Variants in ACTR3C observed in about 807,000 individuals in gnomAD.
ACTR3C encodes actin-related protein 3C.
In ACTR3C, 18 loss-of-function variants were observed where a neutral mutation model predicts 26.3. The observed-to-expected ratio is 0.68, with a 90% CI of 0.47 to 1.01. ACTR3C has a LOEUF of 1.01. Among genes scored for constraint, ACTR3C ranks in the 50% least tolerant of loss-of-function variants. ACTR3C has a pLI of 0.00. For synonymous variants in ACTR3C, 55 were observed against 94.5 expected (o/e 0.58, Z 2.42); for missense variants, 184 against 250.7 (o/e 0.73, Z 1.80).
the ACTR3C span, among the ~76,000 whole-genome samples, chr7:150,154,451 G>T: frequency 6.6e-6 from 1 of 151,700 alleles, no homozygotes; most frequent in African/African-American, 2.4e-5. Flanking sequence ...TGTTGGTCTA[G>T]ATGGAGATCA....
the ACTR3C span, among the ~76,000 whole-genome samples, chr7:150,017,139 A>T: frequency 0.017 from 2,586 of 152,032 alleles, 114 homozygotes; most frequent in African/African-American, 0.06. Flanking sequence ...GGGTCAGAGT[A>T]TTCACAGCCC....
At chr7:150,103,352 C>A in the ACTR3C span, among the ~76,000 whole-genome samples, 5 of 151,978 alleles carry the variant, frequency 3.3e-5, no homozygotes, top group Non-Finnish European at 7.4e-5. Flanking sequence ...ACAAGGTTCC[C>A]AGCTTGACCT....
chr7:150,039,365 C>T, the ACTR3C span, among the ~76,000 whole-genome samples: 108 of 100,328 alleles, frequency 1.1e-3, no homozygotes, highest in Middle Eastern at 0.012. Flanking sequence ...TTGCCTCCCC[C>T]TCCTGCGATG....
chr7:150,221,151 G>T, the ACTR3C span, among the ~76,000 whole-genome samples: 1 of 152,268 alleles, frequency 6.6e-6, no homozygotes, highest in Non-Finnish European at 1.5e-5. Context: ...GCGCGCGGAG[G>T]CCCGGTCGGT....
chr7:149,921,175 A>G, the ACTR3C span, among the ~76,000 whole-genome samples: 1 of 152,162 alleles, frequency 6.6e-6, no homozygotes, highest in Non-Finnish European at 1.5e-5. Flanking sequence ...TATTCCAGGA[A>G]AACTTTGTCT....
the ACTR3C span, among the ~76,000 whole-genome samples, chr7:150,055,589 G>T: frequency 6.6e-6 from 1 of 150,914 alleles, no homozygotes; most frequent in Non-Finnish European, 1.5e-5. Flanking sequence ...AAGCTGTTTC[G>T]CCCTTGAACT....
chr7:150,255,430 G>A (rs1833149589), intron 6 of ACTR3C, among the ~76,000 whole-genome samples: 1 of 151,878 alleles, frequency 6.6e-6, no homozygotes, highest in Non-Finnish European at 1.5e-5. Context: ...CTAGACCTTA[G>A]GTGCCCTCTG....
At chr7:149,964,685 A>T in the ACTR3C span, among the ~76,000 whole-genome samples, 1 of 152,206 alleles carries the variant, frequency 6.6e-6, no homozygotes. Flanking sequence ...CTTGATTTAT[A>T]TATATTTAGT....
intron 1 of ACTR3C, among the ~76,000 whole-genome samples, chr7:150,300,948 A>G (rs1347923449): frequency 6.6e-6 from 1 of 152,132 alleles, no homozygotes; most frequent in South Asian, 2.1e-4. Flanking sequence ...GCAGATTCCA[A>G]TAGTAGTGTG....
At chr7:150,172,628 C>A in the ACTR3C span, among the ~76,000 whole-genome samples, 2 of 150,062 alleles carry the variant, frequency 1.3e-5, 1 homozygote, top group African/African-American at 5.1e-5. Flanking sequence ...TCCCAACAGT[C>A]CCCCAAAGTC....
At chr7:150,017,675 C>T in the ACTR3C span, among the ~76,000 whole-genome samples, 131 of 149,558 alleles carry the variant, frequency 8.8e-4, 5 homozygotes, top group East Asian at 9.3e-3. Context: ...CAACACTTCC[C>T]CAGCACACCC....
chr7:150,047,970 A>G, the ACTR3C span: 2 of 1,212,000 alleles, frequency 1.7e-6, no homozygotes, highest in Admixed American at 3.0e-5. Context: ...AGGCAGCAGC[A>G]GCAGCAAGGC....
At chr7:149,882,710 G>T in the ACTR3C span, among the ~76,000 whole-genome samples, 4 of 152,224 alleles carry the variant, frequency 2.6e-5, no homozygotes, top group African/African-American at 9.6e-5. Flanking sequence ...TACGAAAACA[G>T]ACCTTATTCA....
chr7:149,893,742 T>C, the ACTR3C span, among the ~76,000 whole-genome samples: 2 of 152,236 alleles, frequency 1.3e-5, no homozygotes, highest in South Asian at 2.1e-4. Flanking sequence ...TCCATAAATA[T>C]ACTAATGGCT....
At chr7:150,267,216 C>T (rs755219510) in intron 6 of ACTR3C, among the ~76,000 whole-genome samples, 2 of 152,228 alleles carry the variant, frequency 1.3e-5, no homozygotes, top group Non-Finnish European at 2.9e-5. Flanking sequence ...AGAGAACACG[C>T]GGAGCACTCC....
chr7:150,149,370 G>C, the ACTR3C span, among the ~76,000 whole-genome samples: 291 of 151,784 alleles, frequency 1.9e-3, no homozygotes, highest in Non-Finnish European at 2.9e-3. Flanking sequence ...TATACTTTAA[G>C]TTCTAGGGTT....
At chr7:150,265,270 A>C (rs1407089180) in intron 6 of ACTR3C, among the ~76,000 whole-genome samples, 1 of 152,034 alleles carries the variant, frequency 6.6e-6, no homozygotes, top group Non-Finnish European at 1.5e-5. Flanking sequence ...AAGCCTAACA[A>C]CCTAGTTTTT....
At chr7:150,074,149 C>T in the ACTR3C span, 2 of 152,352 alleles carry the variant, frequency 1.3e-5, no homozygotes, top group African/African-American at 4.8e-5. Context: ...GCTTGAGCTA[C>T]ATGTTCTAGA....
chr7:150,101,449 C>G, the ACTR3C span, among the ~76,000 whole-genome samples: 2 of 151,746 alleles, frequency 1.3e-5, no homozygotes, highest in Non-Finnish European at 2.9e-5. Context: ...AGGGAAATAA[C>G]TCTCTTCTGA....
Sources: allele counts gnomAD v4.1 joint callset (sites outside exome capture counted in the v4.1 genomes callset), GRCh38; gene constraint gnomAD v4.1.1; transcripts MANE v1.5; gene names NCBI Gene and HGNC (gene_info 2026-07-23, HGNC 2026-07-21).